The following THUMPD2 variants were observed in gnomAD, a reference collection of about 807,000 sequenced individuals.
THUMPD2 encodes the protein U6 snRNA (guanine-N(2))-methyltransferase THUMPD2.
THUMPD2 carries 56 observed loss-of-function variants against 49.4 expected under a neutral mutation model. That is an observed-to-expected ratio of 1.13 (90% confidence interval 0.91 to 1.41). The LOEUF is 1.41. Ranked by LOEUF, THUMPD2 falls within the 40% of genes most tolerant of loss-of-function variation. The probability of loss-of-function intolerance (pLI) is 0.00; values close to 1 mark genes in which losing one functional copy is unlikely to be tolerated. For synonymous variants in THUMPD2, 237 were observed against 205.2 expected, an observed-to-expected ratio of 1.15 and a Z score of -1.32; for missense variants, 709 against 594.5, an observed-to-expected ratio of 1.19 and a Z score of -2.00.
intron 1 of THUMPD2, among the ~76,000 whole-genome samples, chr2:39,773,579 TAAAAA>T (rs1678641152): frequency 7.5e-6 from 1 of 132,918 alleles, no homozygotes; most frequent in African/African-American, 3.2e-5. Flanking sequence ...ATTTATATTT[TAAAAA>T]TATATATATA....
chr2:39,757,963 C>T (rs554755665), intron 6 of THUMPD2, among the ~76,000 whole-genome samples: 1 of 152,174 alleles, frequency 6.6e-6, no homozygotes, highest in African/African-American at 2.4e-5. Context: ...AAGAACTCTA[C>T]TATGCCATTT....
At chr2:39,755,020 G>C (rs1372623332) in intron 8 of THUMPD2, among the ~76,000 whole-genome samples, 12 of 146,278 alleles carry the variant, frequency 8.2e-5, no homozygotes, top group Admixed American at 7.1e-4. Flanking sequence ...ACGAGAAATG[G>C]TTCAGATGCA....
chr2:39,778,583 G>T (rs559076828), intron 1 of THUMPD2, among the ~76,000 whole-genome samples: 1 of 152,292 alleles, frequency 6.6e-6, no homozygotes. Flanking sequence ...TCATTTCACA[G>T]AAATCAATAA....
intron 8 of THUMPD2, among the ~76,000 whole-genome samples, chr2:39,746,098 G>A (rs190775544): frequency 1.3e-3 from 196 of 152,312 alleles, no homozygotes; most frequent in Non-Finnish European, 2.1e-3. Context: ...TTCAGTAACC[G>A]TTAGCTGCTT....
At chr2:39,766,510 A>T (rs929594646) in intron 4 of THUMPD2, among the ~76,000 whole-genome samples, 1 of 152,200 alleles carries the variant, frequency 6.6e-6, no homozygotes, top group African/African-American at 2.4e-5. Context: ...CAGAGGCTGC[A>T]AATACTTTCA....
At chr2:39,756,951 GAAAAA>G (rs35726811) in intron 6 of THUMPD2, among the ~76,000 whole-genome samples, 3 of 142,662 alleles carry the variant, frequency 2.1e-5, no homozygotes, top group African/African-American at 7.7e-5. Context: ...TGGTATTGGA[GAAAAA>G]AAAAAAGAAA....
At chr2:39,773,689 T>C (rs1678683241) in intron 1 of THUMPD2, among the ~76,000 whole-genome samples, 1 of 150,414 alleles carries the variant, frequency 6.6e-6, no homozygotes, top group Non-Finnish European at 1.5e-5. Flanking sequence ...GACTATTAAG[T>C]TAATTAAGAG....
At chr2:39,773,293 G>C (rs1678581275) in intron 1 of THUMPD2, among the ~76,000 whole-genome samples, 1 of 151,900 alleles carries the variant, frequency 6.6e-6, no homozygotes, top group South Asian at 2.1e-4. Flanking sequence ...CAATTTAACA[G>C]ATGAAATACT....
intron 2 of THUMPD2, among the ~76,000 whole-genome samples, 165 bp downstream of exon 2, chr2:39,771,340 C>T (rs1216520130): frequency 2.0e-5 from 3 of 152,042 alleles, no homozygotes; most frequent in Admixed American, 1.3e-4. Flanking sequence ...TATTCTACTA[C>T]AATCAGGTGA....
intron 1 of THUMPD2, among the ~76,000 whole-genome samples, chr2:39,774,094 G>C (rs1558544073): frequency 6.6e-6 from 1 of 152,216 alleles, no homozygotes; most frequent in Non-Finnish European, 1.5e-5. Context: ...TGGTCCCAGT[G>C]CAAGTAAATG....
intron 8 of THUMPD2, among the ~76,000 whole-genome samples, chr2:39,751,067 TC>T (rs1675333641): frequency 6.6e-6 from 1 of 152,268 alleles, no homozygotes; most frequent in Non-Finnish European, 1.5e-5. Flanking sequence ...TCCCCTATTT[TC>T]TACACATATT....
intron 8 of THUMPD2, among the ~76,000 whole-genome samples, chr2:39,748,512 C>A (rs1674908156): frequency 6.6e-6 from 1 of 151,788 alleles, no homozygotes; most frequent in Admixed American, 6.6e-5. Flanking sequence ...ACCATCCTGG[C>A]CAACATGGTG....
chr2:39,761,248 A>G (rs762287460), intron 6 of THUMPD2, 83 bp downstream of exon 6: 61 of 1,227,256 alleles, frequency 5.0e-5, no homozygotes, highest in Admixed American at 7.9e-5. Context: ...AGCAAGTAAC[A>G]TAAATATCCA....
In THUMPD2 at chr2:39,771,491, T is replaced by A. The variant is rs751185007; in HGVS notation, c.262+14A>T. 2 of 1,581,166 alleles carry A rather than the reference T, an allele frequency of 1.3e-6. No individual in the cohort carries two copies. Among genetic ancestry groups the A allele is most frequent in the South Asian group, 1.2e-5 (1 of 84,676 alleles). On this transcript the variant is annotated intron_variant, in intron 2 of 9. Transcript: ENST00000505747. ...CATGTGGGTAAAAGCAACATGCATA[T>A]GAATATGCCATACCTTTACTTACAG...
At chr2:39,760,219 A>G (rs934627418) in intron 6 of THUMPD2, among the ~76,000 whole-genome samples, 3 of 152,126 alleles carry the variant, frequency 2.0e-5, no homozygotes, top group Non-Finnish European at 4.4e-5. Context: ...TGTAGAGAGG[A>G]GAAGAGAAAA....
Position 39,751,681 on chromosome 2 carries a change from ATTTTT to A in THUMPD2, c.1078+3609_1078+3613del, listed in dbSNP as rs11284104. On this transcript the variant is annotated intron_variant, in intron 8 of 9. Coordinates refer to ENST00000505747, the MANE Select transcript of THUMPD2 (RefSeq NM_025264.5). Reference sequence around the variant, plus strand: ...ACATATGATTTATTCATATTAAAAGATTTTTTTTTTTTTTTTTTTTTGAGACGGAG... The same window carrying A: ...ACATATGATTTATTCATATTAAAAGATTTTTTTTTTTTTTTTGAGACGGAG... 2.2e-3 allele frequency among the ~76,000 whole-genome samples: 267 copies of A among 119,958 alleles called. 1 individual carries two copies. Among genetic ancestry groups the A allele is most frequent in the African/African-American group, 8.0e-3 (247 of 30,768 alleles). 78.7% of individuals were successfully genotyped at this position (119,958 alleles called of 152,430 possible). A position where few individuals can be genotyped will look rare whatever the true frequency, so the allele number is the denominator to read the frequency against.
At chr2:39,767,278 G>A (rs901055669) in intron 4 of THUMPD2, among the ~76,000 whole-genome samples, 3 of 152,186 alleles carry the variant, frequency 2.0e-5, no homozygotes, top group Non-Finnish European at 2.9e-5. Flanking sequence ...TCAGGGAGAT[G>A]GGGACGAGAA....
chr2:39,779,098 A>T lies in THUMPD2; in HGVS notation c.126+16T>A. On this transcript the variant is annotated intron_variant, in intron 1 of 9. Transcript: ENST00000505747. ...GGGCCGCCCACCTCCCCAGGCGCGC[A>T]GCGAGGCCAACTCACCTGCGTGGCC... is the stretch of plus-strand genomic sequence containing the variant. 1 of 1,500,162 alleles carries T rather than the reference A, an allele frequency of 6.7e-7. No individual in the cohort carries two copies. Among genetic ancestry groups the T allele is most frequent in the South Asian group, 1.3e-5 (1 of 79,992 alleles). 92.9% of individuals were successfully genotyped at this position (1,500,162 alleles called of 1,614,324 possible). A position where few individuals can be genotyped will look rare whatever the true frequency, so the allele number is the denominator to read the frequency against.
intron 8 of THUMPD2, among the ~76,000 whole-genome samples, chr2:39,753,389 AC>A (rs1159533697): frequency 1.3e-5 from 2 of 152,040 alleles, no homozygotes; most frequent in African/African-American, 2.4e-5. Context: ...CCAGATGCTC[AC>A]CTTCCAGAAG....
Sources: gnomAD v4.1 joint callset for allele counts (sites outside exome capture counted in the v4.1 genomes callset) on GRCh38, gnomAD v4.1.1 for gene constraint, MANE v1.5 for transcripts, NCBI Gene and HGNC (gene_info 2026-07-23, HGNC 2026-07-21) for gene names.